The following SLC26A1 variants were observed in gnomAD, a reference collection of about 807,000 sequenced individuals.
SLC26A1 encodes the protein solute carrier family 26 member 1, also known as sulfate anion transporter 1.
Under a neutral mutation model 14.5 loss-of-function variants are expected in SLC26A1, and 18 were observed. The ratio of observed to expected loss-of-function variants is 1.24; its 90% CI spans 0.86 to 1.84. The LOEUF (loss-of-function observed/expected upper bound fraction) is 1.84, where lower values mean the gene tolerates loss of function less well. Ranked by LOEUF, SLC26A1 falls within the 40% of genes most tolerant of loss-of-function variation. The probability of loss-of-function intolerance (pLI) is 0.00; values close to 1 mark genes in which losing one functional copy is unlikely to be tolerated. For synonymous variants in SLC26A1, 505 were observed against 492.0 expected (o/e 1.03, Z -0.35); for missense variants, 1,049 against 1,020.0 (o/e 1.03, Z -0.39).
chr4:988,198 C>G lies in SLC26A1; in HGVS notation c.*635G>C. 1 of 1,360,188 alleles carries G rather than the reference C, an allele frequency of 7.4e-7. No individual in the cohort carries two copies. Among genetic ancestry groups the G allele is most frequent in the Non-Finnish European group, 9.5e-7 (1 of 1,055,008 alleles). The allele number at this position is 1,360,188 out of a possible 1,614,324, so 84.3% of individuals were successfully genotyped here. A position where few individuals can be genotyped will look rare whatever the true frequency, so the allele number is the denominator to read the frequency against. On this transcript the variant is annotated 3_prime_UTR_variant, in exon 3 of 3. Coordinates refer to ENST00000398516, the MANE Select transcript of SLC26A1 (RefSeq NM_022042.4). ...TCAGGGTTGGCTGCGCCGCACCTGG[C>G]TCCTGGTGCACCCGTGAGCATCCCT...
chr4:991,371 G>T lies in SLC26A1; in HGVS notation c.333C>A (p.Ile111=), dbSNP rs141470857. The change falls in exon 2 of 3, where the codon ATC becomes ATA. Residue 111 remains isoleucine, a synonymous_variant. Transcript: ENST00000398516. ...GCCGTGAGGTGCCCATGAGGAAGTA[G>T]ATGAGGTTGGCGAAGAAGGACGTAT... ...SLYTSFFANL[I]YFLMGTSRHV... is the part of the protein sequence containing the mutation. The T allele has an allele frequency of 2.5e-5, 41 of 1,612,866 alleles. No individual in the cohort carries two copies. The African/African-American group carries it at 4.7e-4, about 18-fold the overall frequency.
In SLC26A1 at chr4:989,247, C is replaced by T. The variant is rs779043820; in HGVS notation, c.1692G>A (p.Leu564=). 21 of 1,612,494 alleles carry T rather than the reference C, an allele frequency of 1.3e-5. No homozygotes were observed. The highest frequency in any genetic ancestry group is 4.5e-5 in the East Asian group (2 of 44,886). ...TCCTGGCAGCCATGCACCCTGCGTC[C>T]AGCCCCGTGAGGCTGTAGAGTGACT... is the stretch of plus-strand genomic sequence containing the variant. ...FLQSLYSLTG[L]DAGCMAARRK... The change falls in exon 3 of 3, where the codon CTG becomes CTA. Residue 564 remains leucine, a synonymous_variant. Coordinates refer to ENST00000398516, the MANE Select transcript of SLC26A1 (RefSeq NM_022042.4).
chr4:990,039 C>G lies in SLC26A1; in HGVS notation c.900G>C (p.Val300=), dbSNP rs1396655015. 3.8e-6 allele frequency: 6 copies of G among 1,598,528 alleles called. No homozygotes were observed. The African/African-American group carries it at 6.7e-5, about 18-fold the overall frequency. The change falls in exon 3 of 3, where the codon GTG becomes GTC. Residue 300 remains valine (V), a synonymous_variant. Coordinates refer to ENST00000398516, the MANE Select transcript of SLC26A1 (RefSeq NM_022042.4). The part of the protein sequence containing the change: ...VPLPTELLVI[V]VATLVSHFGQ... ...CGAAGTGCGACACGAGTGTGGCCAC[C>G]ACGATGACCAGCAGCTCCGTGGGCA... is the stretch of plus-strand genomic sequence containing the variant.
rs1239254156 is a variant in SLC26A1, at chr4:987,985, C to T, written c.*848G>A. ...GGCAGGGTCTGGGCGTCCCAGAGCC[C>T]CTTACAGAGGCACAGATGGGAGGGG... On this transcript the variant is annotated 3_prime_UTR_variant, in exon 3 of 3. Coordinates refer to ENST00000398516, the MANE Select transcript of SLC26A1 (RefSeq NM_022042.4). 2 of 1,541,966 alleles carry T rather than the reference C, an allele frequency of 1.3e-6. No individual in the cohort carries two copies. Among genetic ancestry groups the T allele is most frequent in the Non-Finnish European group, 1.8e-6 (2 of 1,140,996 alleles).
At chr4:983,691 TCTGTGTACC>T (rs1713614998), downstream of SLC26A1, among the ~76,000 whole-genome samples, 1 of 152,220 alleles carries the variant, frequency 6.6e-6, no homozygotes, top group South Asian at 2.1e-4. Context: ...ATCCAAGAAA[TCTGTGTACC>T]CTTTTAGTGA....
At chr4:990,779 G>A (rs1479579096) in intron 2 of SLC26A1, 4 of 388,606 alleles carry the variant, frequency 1.0e-5, no homozygotes, top group South Asian at 4.5e-5. Context: ...ACCTTCGGGG[G>A]TGGGGAGGCC....
At chr4:980,123 G>C (rs973707154) in intron 2 of SLC26A1, among the ~76,000 whole-genome samples, 1 of 152,222 alleles carries the variant, frequency 6.6e-6, no homozygotes, top group Admixed American at 6.5e-5. Flanking sequence ...TGGAGTTGGA[G>C]CGACTTCCCT....
chr4:991,082 G>C lies in SLC26A1; in HGVS notation c.576+46C>G, dbSNP rs2290401. The C allele has an allele frequency of 0.16, 232,955 of 1,502,420 alleles. 19,475 individuals carry two copies. Among genetic ancestry groups the C allele is most frequent in the East Asian group, 0.23 (10,140 of 43,504 alleles). 93.1% of individuals were successfully genotyped at this position (1,502,420 alleles called of 1,614,324 possible). The stretch of plus-strand genomic sequence containing the variant: ...CCCTCGTGGATGGCCAAAACCTAAG[G>C]GGGGGTGCCCTGGGCCCCTCCCTGT... On this transcript the variant is annotated intron_variant, in intron 2 of 2. Coordinates refer to ENST00000398516, the MANE Select transcript of SLC26A1 (RefSeq NM_022042.4).
Position 988,224 on chromosome 4 carries a change from G to C in SLC26A1, c.*609C>G, listed in dbSNP as rs1713902748. On this transcript the variant is annotated 3_prime_UTR_variant, in exon 3 of 3. Coordinates refer to ENST00000398516, the MANE Select transcript of SLC26A1 (RefSeq NM_022042.4). ...TCCTGGTGCACCCGTGAGCATCCCT[G>C]TGTGTGTCTGCTGGCCAGGCTGGGT... 4.6e-6 allele frequency: 6 copies of C among 1,314,498 alleles called. No individual in the cohort carries two copies. The allele number at this position is 1,314,498 out of a possible 1,614,324, so 81.4% of individuals were successfully genotyped here. A position where few individuals can be genotyped will look rare whatever the true frequency, so the allele number is the denominator to read the frequency against.
chr4:989,288 T>C lies in SLC26A1; in HGVS notation c.1651A>G (p.Lys551Glu), dbSNP rs1476255673. The stretch of plus-strand genomic sequence containing the variant: ...TAGAGTGACTGCAGGAAGAAGTCCT[T>C]GTTGGCATAGTACAGCGGCCCCCCA... Reference protein sequence around the residue: ...RFGGPLYYANKDFFLQSLYSL... With the variant: ...RFGGPLYYANEDFFLQSLYSL... Residue 551 changes from lysine to glutamate, a missense_variant, in exon 3 of 3, where the codon AAG becomes GAG. Coordinates refer to ENST00000398516, the MANE Select transcript of SLC26A1 (RefSeq NM_022042.4). 6.2e-7 allele frequency: 1 copy of C among 1,612,620 alleles called. No homozygotes were observed. Among genetic ancestry groups the C allele is most frequent in the East Asian group, 2.2e-5 (1 of 44,860 alleles).
Position 989,967 on chromosome 4 carries a change from G to A in SLC26A1, c.972C>T (p.Pro324=), listed in dbSNP as rs2153017031. Residue 324 remains proline (P), a synonymous_variant, in exon 3 of 3, where the codon CCC becomes CCT. Transcript: ENST00000398516. The stretch of plus-strand genomic sequence containing the variant: ...GGACCTGAGGGGGCATGAAACCCGT[G>A]GGGATGTCGCCAGCCACGCTCGAGC... ...RFGSSVAGDI[P]TGFMPPQVPE... 6 of 1,556,830 alleles carry A rather than the reference G, an allele frequency of 3.9e-6. No homozygotes were observed. The highest frequency in any genetic ancestry group is 2.4e-5 in the East Asian group (1 of 41,520).
Position 990,226 on chromosome 4 carries a change from C to T in SLC26A1, c.713G>A (p.Arg238Gln), listed in dbSNP as rs200857252. The T allele has an allele frequency of 1.0e-4, 159 of 1,569,930 alleles. No homozygotes were observed. Among genetic ancestry groups the T allele is most frequent in the Non-Finnish European group, 1.3e-4 (148 of 1,158,546 alleles). The change falls in exon 3 of 3, where the codon CGG becomes CAG. Residue 238 changes from arginine to glutamine, a missense_variant. Physicochemically the swap from Arg to Gln is conservative, Grantham distance 43. Transcript: ENST00000398516. ...LKHLLGVRIPRHQGPGMVVLT... is the reference protein window; with the variant it reads ...LKHLLGVRIPQHQGPGMVVLT... ...GACCACCATGCCGGGCCCCTGGTGC[C>T]GCGGGATCCGCACGCCCAGCAGGTG...
Position 990,111 on chromosome 4 carries a change from G to T in SLC26A1, c.828C>A (p.Ala276=), listed in dbSNP as rs144684135. Residue 276 remains alanine, a synonymous_variant, in exon 3 of 3, where the codon GCC becomes GCA. Transcript: ENST00000398516. The stretch of plus-strand genomic sequence containing the variant: ...GGTAGCGGTCTGAGAGCTCCTTCGC[G>T]GCTAGCAGCACCGCCAGGCACACCG... ...TSTVCLAVLL[A]AKELSDRYRH... 6.3e-7 allele frequency: 1 copy of T among 1,586,292 alleles called. No individual in the cohort carries two copies. The highest frequency in any genetic ancestry group is 1.1e-5 in the South Asian group (1 of 87,218).
In SLC26A1 at chr4:988,497, A is replaced by G; in HGVS notation, c.*336T>C. On this transcript the variant is annotated 3_prime_UTR_variant, in exon 3 of 3. Transcript: ENST00000398516. ...CTCTTGGCACCTTGGAGGCTGCATGATGGCGGGGGACCCTTGTTCAAATAA... is the reference window on the plus strand; with the variant it reads ...CTCTTGGCACCTTGGAGGCTGCATGGTGGCGGGGGACCCTTGTTCAAATAA... 1 of 1,135,632 alleles carries G rather than the reference A, an allele frequency of 8.8e-7. No homozygotes were observed. Among genetic ancestry groups the G allele is most frequent in the Non-Finnish European group, 1.1e-6 (1 of 924,524 alleles). 70.3% of individuals were successfully genotyped at this position (1,135,632 alleles called of 1,614,324 possible).
downstream of SLC26A1, among the ~76,000 whole-genome samples, chr4:982,931 C>A (rs1179757964): frequency 1.3e-5 from 2 of 152,236 alleles, no homozygotes; most frequent in Non-Finnish European, 1.5e-5. Context: ...CACTCAGGGC[C>A]CACTCGGATA....
chr4:987,206 G>A, downstream of SLC26A1: 1 of 1,485,862 alleles, frequency 6.7e-7, no homozygotes, highest in Non-Finnish European at 8.9e-7. Context: ...CGCGCGCTGT[G>A]GCCCCTGCGG....
chr4:988,434 G>A lies in SLC26A1; in HGVS notation c.*399C>T. On this transcript the variant is annotated 3_prime_UTR_variant, in exon 3 of 3. Transcript: ENST00000398516. ...TGGCCAGAGCCGCTGGCTCCTACCA[G>A]CAGGGTGGGCACCGGGCAGGCCTGG... 1 of 1,065,082 alleles carries A rather than the reference G, an allele frequency of 9.4e-7. No individual in the cohort carries two copies. The highest frequency in any genetic ancestry group is 1.1e-6 in the Non-Finnish European group (1 of 880,920). The allele number at this position is 1,065,082 out of a possible 1,614,324, so 66.0% of individuals were successfully genotyped here. A position where few individuals can be genotyped will look rare whatever the true frequency, so the allele number is the denominator to read the frequency against.
chr4:986,878 C>G (rs1198117401), downstream of SLC26A1: 3 of 658,902 alleles, frequency 4.6e-6, no homozygotes, highest in Non-Finnish European at 8.4e-6. Context: ...CCCTGAGGCC[C>G]GCAAGGAAGC....
chr4:982,640 C>G (rs1231611034), intron 2 of SLC26A1, among the ~76,000 whole-genome samples: 1 of 152,254 alleles, frequency 6.6e-6, no homozygotes, highest in Non-Finnish European at 1.5e-5. Context: ...TTATAAGCCA[C>G]TGGGCCATTG....
Sources: allele counts gnomAD v4.1 joint callset (sites outside exome capture counted in the v4.1 genomes callset), GRCh38; gene constraint gnomAD v4.1.1; transcripts MANE v1.5; gene names NCBI Gene and HGNC (gene_info 2026-07-23, HGNC 2026-07-21).